KANK1: variants seen among roughly 807,000 people sequenced by gnomAD.
KANK1 encodes KN motif and ankyrin repeat domains 1, also known as KN motif and ankyrin repeat domain-containing protein 1.
A neutral mutation model predicts 106.2 loss-of-function variants in KANK1; 109 were observed. The observed-to-expected ratio is 1.03, with a 90% CI of 0.88 to 1.20. The LOEUF is 1.20. Ranked by LOEUF, KANK1 falls within the 50% of genes most tolerant of loss-of-function variation. KANK1 has a pLI of 0.00. For missense variants in KANK1, 2,399 were observed against 1,710.7 expected (o/e 1.40, Z -7.10); for synonymous variants, 873 against 652.2 (o/e 1.34, Z -5.16).
At chr9:615,786 G>A (rs1203833265) in intron 1 of KANK1, among the ~76,000 whole-genome samples, 1 of 152,188 alleles carries the variant, frequency 6.6e-6, no homozygotes, top group Admixed American at 6.5e-5. Flanking sequence ...TAGTGGTAGA[G>A]GAGATCCCAA....
intron 1 of KANK1, among the ~76,000 whole-genome samples, chr9:600,873 TC>T (rs1338399957): frequency 6.6e-6 from 1 of 151,884 alleles, no homozygotes; most frequent in Non-Finnish European, 1.5e-5. Context: ...AGCTTTTTGT[TC>T]TGGGATAACT....
intron 3 of KANK1, among the ~76,000 whole-genome samples, chr9:475,430 G>A (rs990311652): frequency 4.6e-5 from 7 of 151,856 alleles, no homozygotes; most frequent in Non-Finnish European, 7.4e-5. Context: ...ATCTCACAAG[G>A]TGCCCACTCG....
intron 2 of KANK1, among the ~76,000 whole-genome samples, chr9:710,339 C>T (rs567887932): frequency 9.2e-5 from 14 of 152,086 alleles, no homozygotes; most frequent in South Asian, 6.3e-4. Context: ...TTACCCAAGC[C>T]GGGCGCAGTG....
chr9:626,575 C>G (rs1354929305), intron 1 of KANK1, among the ~76,000 whole-genome samples: 1 of 152,198 alleles, frequency 6.6e-6, no homozygotes, highest in Non-Finnish European at 1.5e-5. Context: ...ATAAATCAAG[C>G]CCTTAGTAAA....
At chr9:641,671 G>C (rs527895471) in intron 1 of KANK1, among the ~76,000 whole-genome samples, 2 of 152,188 alleles carry the variant, frequency 1.3e-5, no homozygotes, top group Non-Finnish European at 2.9e-5. Flanking sequence ...AAAGAACACA[G>C]TGATTTTTTT....
intron 3 of KANK1, among the ~76,000 whole-genome samples, chr9:493,281 T>C (rs1194929426): frequency 6.6e-6 from 1 of 152,166 alleles, no homozygotes; most frequent in African/African-American, 2.4e-5. Flanking sequence ...CCAGCTGCCA[T>C]GTCATGGGAC....
chr9:579,299 G>C (rs1254734841), intron 1 of KANK1, among the ~76,000 whole-genome samples: 2 of 152,110 alleles, frequency 1.3e-5, no homozygotes, highest in East Asian at 3.8e-4. Context: ...TATTCAACTG[G>C]GAATCTTTGG....
At chr9:671,565 G>A (rs543334304) in intron 1 of KANK1, among the ~76,000 whole-genome samples, 5 of 103,802 alleles carry the variant, frequency 4.8e-5, no homozygotes, top group Admixed American at 2.3e-4. Flanking sequence ...GCAGCGTGCC[G>A]AGATGGCGCC....
chr9:608,411 ATTCTC>A (rs766866209), intron 1 of KANK1, among the ~76,000 whole-genome samples: 11 of 149,078 alleles, frequency 7.4e-5, no homozygotes, highest in South Asian at 2.1e-4. Context: ...ATATTTGTGT[ATTCTC>A]TTAAAGAGCT....
At chr9:728,939 G>A (rs987537508) in intron 3 of KANK1, among the ~76,000 whole-genome samples, 8 of 152,208 alleles carry the variant, frequency 5.3e-5, no homozygotes, top group Non-Finnish European at 1.2e-4. Context: ...GTGTTTGCCT[G>A]TAACTTCTAG....
At chr9:587,282 T>C (rs1823729153) in intron 1 of KANK1, among the ~76,000 whole-genome samples, 2 of 76,292 alleles carry the variant, frequency 2.6e-5, no homozygotes, top group African/African-American at 7.0e-5. Context: ...TCTACAAATG[T>C]ATGATTGAGA....
intron 1 of KANK1, among the ~76,000 whole-genome samples, chr9:550,846 A>G (rs1342043583): frequency 2.6e-5 from 4 of 152,078 alleles, no homozygotes; most frequent in Non-Finnish European, 5.9e-5. Context: ...CGAACTGTCT[A>G]TACTTTATTA....
At chr9:702,926 G>T (rs577752002) in intron 2 of KANK1, among the ~76,000 whole-genome samples, 1 of 152,202 alleles carries the variant, frequency 6.6e-6, no homozygotes, top group South Asian at 2.1e-4. Flanking sequence ...GTTCTGTTTT[G>T]ATCACTAGTT....
At chr9:614,010 G>T (rs1034594896) in intron 1 of KANK1, among the ~76,000 whole-genome samples, 1 of 152,138 alleles carries the variant, frequency 6.6e-6, no homozygotes, top group Non-Finnish European at 1.5e-5. Flanking sequence ...TGTGCATAGC[G>T]CTCCAAGCAT....
chr9:528,244 G>T (rs952831106), intron 1 of KANK1, among the ~76,000 whole-genome samples: 4 of 151,814 alleles, frequency 2.6e-5, no homozygotes, highest in Non-Finnish European at 4.4e-5. Flanking sequence ...CTCAAACTGG[G>T]AACTTAATGT....
intron 1 of KANK1, among the ~76,000 whole-genome samples, chr9:566,204 C>T (rs1817767869): frequency 6.6e-6 from 1 of 152,172 alleles, no homozygotes; most frequent in Non-Finnish European, 1.5e-5. Flanking sequence ...TTTTTTATGG[C>T]TGCATAGTAT....
intron 1 of KANK1, among the ~76,000 whole-genome samples, chr9:616,565 C>G (rs1236580549): frequency 6.6e-6 from 1 of 152,176 alleles, no homozygotes; most frequent in Non-Finnish European, 1.5e-5. Flanking sequence ...TTTCTGAATA[C>G]TTTATATCCT....
At chr9:599,437 A>G (rs1203729820) in intron 1 of KANK1, among the ~76,000 whole-genome samples, 3 of 151,832 alleles carry the variant, frequency 2.0e-5, no homozygotes, top group Non-Finnish European at 4.4e-5. Flanking sequence ...TTTGATATAC[A>G]TCCTTCTACA....
At chr9:620,448 G>A (rs962919786) in intron 1 of KANK1, among the ~76,000 whole-genome samples, 1 of 151,972 alleles carries the variant, frequency 6.6e-6, no homozygotes, top group African/African-American at 2.4e-5. Flanking sequence ...ACCCGGGCTG[G>A]AGAACAATGA....
Sources: allele counts gnomAD v4.1 joint callset (sites outside exome capture counted in the v4.1 genomes callset), GRCh38; gene constraint gnomAD v4.1.1; transcripts MANE v1.5; gene names NCBI Gene and HGNC (gene_info 2026-07-23, HGNC 2026-07-21).